Variants in ADCYAP1R1 observed in about 807,000 individuals in gnomAD.
ADCYAP1R1 encodes the protein pituitary adenylate cyclase-activating polypeptide type I receptor.
ADCYAP1R1 carries 44 observed loss-of-function variants against 67.6 expected under a neutral mutation model. The ratio of observed to expected loss-of-function variants is 0.65; its 90% CI spans 0.51 to 0.84. ADCYAP1R1 has a LOEUF of 0.84. ADCYAP1R1 is among the 40% of genes least tolerant of loss of function. The pLI, the probability that ADCYAP1R1 is intolerant of heterozygous loss-of-function variation, is 0.00. For missense variants in ADCYAP1R1, 477 were observed against 587.9 expected, an observed-to-expected ratio of 0.81 and a Z score of 1.95; for synonymous variants, 222 against 219.6, an observed-to-expected ratio of 1.01 and a Z score of -0.10.
intron 13 of ADCYAP1R1, among the ~76,000 whole-genome samples, chr7:31,094,494 C>T (rs1250905291): frequency 6.6e-6 from 1 of 152,132 alleles, no homozygotes; most frequent in Non-Finnish European, 1.5e-5. Flanking sequence ...AACCTCATCT[C>T]TCGTTTGAGC....
intron 1 of ADCYAP1R1, among the ~76,000 whole-genome samples, chr7:31,060,361 G>A (rs1156984770): frequency 6.6e-6 from 1 of 152,196 alleles, no homozygotes; most frequent in Non-Finnish European, 1.5e-5. Flanking sequence ...GAATTGTTCT[G>A]TATATCTACA....
chr7:31,077,889 T>C lies in ADCYAP1R1; in HGVS notation c.158-102T>C, dbSNP rs554082596. ...TGTATGTTGCTGTGTGTGGTGTCTG[T>C]GGTGTGTGTGGTGTGTATGTTGGTG... On this transcript the variant is annotated intron_variant, in intron 3 of 15. Transcript: ENST00000304166. 41 of 664,204 alleles carry C rather than the reference T, an allele frequency of 6.2e-5. 1 individual carries two copies. In the South Asian group the frequency reaches 6.6e-4, roughly 11 times the overall value. 41.1% of individuals were successfully genotyped at this position (664,204 alleles called of 1,614,324 possible). A position where few individuals can be genotyped will look rare whatever the true frequency, so the allele number is the denominator to read the frequency against.
chr7:31,063,357 C>T, intron 2 of ADCYAP1R1, 42 bp downstream of exon 2: 1 of 1,610,382 alleles, frequency 6.2e-7, no homozygotes, highest in Non-Finnish European at 8.5e-7. Context: ...CCAGGCTCAC[C>T]TGAGTCCCCG....
rs1238744185 is a variant in ADCYAP1R1 at position 31,102,838 on chromosome 7, ACAAAGAGCTT to A, written c.1047-398_1047-389del. Reference sequence around the variant, plus strand: ...CCATCGAGGGCTGCTTCTTTCAGGCACAAAGAGCTTTCTTCCAGAACAGGAGAGCGGCTGC... The same window carrying A: ...CCATCGAGGGCTGCTTCTTTCAGGCATCTTCCAGAACAGGAGAGCGGCTGC... On this transcript the variant is annotated intron_variant, in intron 13 of 15. Coordinates refer to ENST00000304166, the MANE Select transcript of ADCYAP1R1 (RefSeq NM_001118.5). This position sits in a 1 kb window ranked among gnomAD's most constrained non-coding sequence, Gnocchi z 4.3. Among the ~76,000 whole-genome samples, 3 of 152,192 alleles carry A rather than the reference ACAAAGAGCTT, an allele frequency of 2.0e-5. No individual in the cohort carries two copies. The highest frequency in any genetic ancestry group is 6.5e-5 in the Admixed American group (1 of 15,286).
At chr7:31,073,173 TC>T (rs1224001026) in intron 3 of ADCYAP1R1, among the ~76,000 whole-genome samples, 1 of 152,168 alleles carries the variant, frequency 6.6e-6, no homozygotes, top group Non-Finnish European at 1.5e-5. Context: ...GAGTACACCA[TC>T]CAGTGTCATC....
At chr7:31,098,740 G>A (rs1286282639) in intron 13 of ADCYAP1R1, among the ~76,000 whole-genome samples, 1 of 146,924 alleles carries the variant, frequency 6.8e-6, no homozygotes, top group East Asian at 2.0e-4. Context: ...CCCCATCTTG[G>A]AAATGTGTGA....
At chr7:31,060,359 C>G (rs1471029780) in intron 1 of ADCYAP1R1, among the ~76,000 whole-genome samples, 1 of 152,212 alleles carries the variant, frequency 6.6e-6, no homozygotes, top group Non-Finnish European at 1.5e-5. Context: ...GTGAATTGTT[C>G]TGTATATCTA....
chr7:31,072,590 G>T (rs931653568), intron 3 of ADCYAP1R1, among the ~76,000 whole-genome samples: 2 of 151,988 alleles, frequency 1.3e-5, no homozygotes, highest in African/African-American at 4.8e-5. Flanking sequence ...TGTCCTAACA[G>T]GCTTCCCCAT....
rs1408550307 is a variant in ADCYAP1R1 at position 31,110,831 on chromosome 7, G to T, written c.*4147G>T. The T allele has an allele frequency of 1.3e-5, 2 of 152,232 alleles. No homozygotes were observed. Among genetic ancestry groups the T allele is most frequent in the Admixed American group, 1.3e-4 (2 of 15,286 alleles). The allele number at this position is 152,232 out of a possible 1,614,324, so 9.4% of individuals were successfully genotyped here. On this transcript the variant is annotated 3_prime_UTR_variant, in exon 16 of 16. Transcript: ENST00000304166. Reference sequence around the variant, plus strand: ...GTTAGTCCCACAGGCCAAGGATAAGGTTGAAATGAGACGGCTTGTGTGTGA... The same window carrying T: ...GTTAGTCCCACAGGCCAAGGATAAGTTTGAAATGAGACGGCTTGTGTGTGA...
chr7:31,111,326 C>T lies in ADCYAP1R1; in HGVS notation c.*4642C>T, dbSNP rs1796854574. On this transcript the variant is annotated 3_prime_UTR_variant, in exon 16 of 16. Coordinates refer to ENST00000304166, the MANE Select transcript of ADCYAP1R1 (RefSeq NM_001118.5). ...CCTCACTTGTGGGAGCTGGACCAGC[C>T]TGGGTTTCATCTCCCACAGTAAAGC... 1 of 152,202 alleles carries T rather than the reference C, an allele frequency of 6.6e-6. No homozygotes were observed. The highest frequency in any genetic ancestry group is 2.4e-5 in the African/African-American group (1 of 41,440). The allele number at this position is 152,202 out of a possible 1,614,324, so 9.4% of individuals were successfully genotyped here.
chr7:31,084,896 T>C, intron 8 of ADCYAP1R1, 62 bp downstream of exon 8: 2 of 1,425,218 alleles, frequency 1.4e-6, no homozygotes, highest in East Asian at 2.3e-5. Flanking sequence ...GAGGCCTTGG[T>C]GCATCTCTCC....
chr7:31,077,260 ATG>A (rs985604619), intron 3 of ADCYAP1R1, among the ~76,000 whole-genome samples: 3 of 151,762 alleles, frequency 2.0e-5, no homozygotes, highest in Non-Finnish European at 2.9e-5. Flanking sequence ...TACATGTGTG[ATG>A]TGTGTGTGGG....
At chr7:31,098,692 A>G (rs1796304316) in intron 13 of ADCYAP1R1, among the ~76,000 whole-genome samples, 1 of 41,836 alleles carries the variant, frequency 2.4e-5, no homozygotes, top group Non-Finnish European at 4.6e-5. Context: ...TTATGCACAG[A>G]TGCAGCGGGG....
chr7:31,080,683 C>T lies in ADCYAP1R1; in HGVS notation c.286+50C>T, dbSNP rs1478018956. On this transcript the variant is annotated intron_variant, in intron 5 of 15. Coordinates refer to ENST00000304166, the MANE Select transcript of ADCYAP1R1 (RefSeq NM_001118.5). ...GACCGCTGTCTTTCTGTCCATCCAG[C>T]AGGAGCCCAGCCTCAGGAGATCCCA... The T allele has an allele frequency of 6.3e-6, 10 of 1,599,020 alleles. No individual in the cohort carries two copies. The African/African-American group carries it at 6.7e-5, about 11-fold the overall frequency.
chr7:31,056,343 T>C (rs1351595066), intron 1 of ADCYAP1R1, among the ~76,000 whole-genome samples: 1 of 152,098 alleles, frequency 6.6e-6, no homozygotes, highest in Non-Finnish European at 1.5e-5. Flanking sequence ...GCCCTCATCT[T>C]TCTCCCTCCT....
intron 3 of ADCYAP1R1, among the ~76,000 whole-genome samples, chr7:31,068,026 A>G (rs561500280): frequency 2.8e-4 from 43 of 152,234 alleles, no homozygotes; most frequent in South Asian, 4.1e-4. Flanking sequence ...GCAGGGGAGA[A>G]GTTAGGGAGC....
intron 12 of ADCYAP1R1, among the ~76,000 whole-genome samples, chr7:31,090,033 G>A (rs1251445959): frequency 6.6e-6 from 1 of 151,840 alleles, no homozygotes; most frequent in Non-Finnish European, 1.5e-5. Context: ...TAATCCTGAA[G>A]GTTTTCTTTT....
chr7:31,066,780 G>C (rs1308633724), intron 3 of ADCYAP1R1, among the ~76,000 whole-genome samples: 1 of 152,226 alleles, frequency 6.6e-6, no homozygotes. Flanking sequence ...CTAGGCCCAA[G>C]GGATAAGTAG....
At chr7:31,095,222 C>T (rs1165755372) in intron 13 of ADCYAP1R1, among the ~76,000 whole-genome samples, 4 of 152,184 alleles carry the variant, frequency 2.6e-5, no homozygotes, top group Non-Finnish European at 5.9e-5. Context: ...CACCATGTTA[C>T]AGCTGAGGGA....
Sources: allele counts gnomAD v4.1 joint callset (sites outside exome capture counted in the v4.1 genomes callset), GRCh38; gene constraint gnomAD v4.1.1; non-coding constraint Gnocchi (gnomAD v3.1); transcripts MANE v1.5; gene names NCBI Gene and HGNC (gene_info 2026-07-23, HGNC 2026-07-21).